SLC8A1: variants seen among roughly 807,000 people sequenced by gnomAD.
The protein encoded by SLC8A1 is sodium/calcium exchanger 1.
In SLC8A1, 18 loss-of-function variants were observed where a neutral mutation model predicts 68.3. The ratio of observed to expected loss-of-function variants is 0.26; its 90% CI spans 0.18 to 0.39. The LOEUF (loss-of-function observed/expected upper bound fraction) is 0.39, where lower values mean the gene tolerates loss of function less well. Among genes scored for constraint, SLC8A1 ranks in the 10% least tolerant of loss-of-function variants. The pLI is 1.00. For missense variants in SLC8A1, 985 were observed against 1,156.7 expected (o/e 0.85, Z 2.15); for synonymous variants, 475 against 415.5 (o/e 1.14, Z -1.74).
intron 2 of SLC8A1, among the ~76,000 whole-genome samples, chr2:40,307,422 T>C (rs2072862452): frequency 6.6e-6 from 1 of 152,174 alleles, no homozygotes. Context: ...GTACAGTGTT[T>C]TAATTTTGTA....
chr2:40,449,821 T>C (rs964210328), intron 1 of SLC8A1, among the ~76,000 whole-genome samples: 1 of 152,184 alleles, frequency 6.6e-6, no homozygotes, highest in Non-Finnish European at 1.5e-5. Flanking sequence ...CCTATACAGC[T>C]CAACAATAAA....
chr2:40,225,810 C>A (rs1401653964), intron 2 of SLC8A1, among the ~76,000 whole-genome samples: 1 of 152,146 alleles, frequency 6.6e-6, no homozygotes, highest in East Asian at 1.9e-4. Flanking sequence ...TTACCTTGGC[C>A]TCACTTGGAT....
At chr2:40,284,902 G>C (rs983811431) in intron 2 of SLC8A1, among the ~76,000 whole-genome samples, 1 of 152,182 alleles carries the variant, frequency 6.6e-6, no homozygotes, top group Non-Finnish European at 1.5e-5. Context: ...GGATGAGCAA[G>C]CTTCATATTC....
At chr2:40,139,265 T>A in intron 7 of SLC8A1, 136 bp downstream of exon 10, 1 of 974,094 alleles carries the variant, frequency 1.0e-6, no homozygotes, top group Non-Finnish European at 1.5e-6. Context: ...CAGTAACATT[T>A]ATTTATACCT....
At chr2:40,257,397 C>T (rs398175) in intron 2 of SLC8A1, among the ~76,000 whole-genome samples, 21,582 of 150,930 alleles carry the variant, frequency 0.14, 1,965 homozygotes, top group African/African-American at 0.24. Flanking sequence ...AAATCAATGA[C>T]GATTATGGAA....
At chr2:40,199,397 T>A (rs977230986) in intron 2 of SLC8A1, among the ~76,000 whole-genome samples, 2 of 151,730 alleles carry the variant, frequency 1.3e-5, no homozygotes, top group Non-Finnish European at 1.5e-5. Context: ...TATTCCATCA[T>A]AATCATACTA....
At chr2:40,272,246 A>G (rs1463838024) in intron 2 of SLC8A1, among the ~76,000 whole-genome samples, 1 of 152,114 alleles carries the variant, frequency 6.6e-6, no homozygotes, top group Admixed American at 6.6e-5. Flanking sequence ...TCCATTCAAC[A>G]CATGCTTATT....
chr2:40,268,515 C>T (rs1439634021), intron 2 of SLC8A1, among the ~76,000 whole-genome samples: 1 of 152,128 alleles, frequency 6.6e-6, no homozygotes, highest in Non-Finnish European at 1.5e-5. Context: ...ATGGGGAATG[C>T]CTTGGTACCC....
At chr2:40,311,251 T>C (rs943329555) in intron 2 of SLC8A1, among the ~76,000 whole-genome samples, 1 of 152,250 alleles carries the variant, frequency 6.6e-6, no homozygotes, top group Middle Eastern at 3.4e-3. Flanking sequence ...TCAACAGAAT[T>C]GTAAAATTAG....
intron 7 of SLC8A1, among the ~76,000 whole-genome samples, chr2:40,126,161 T>A (rs1159272575): frequency 6.6e-6 from 1 of 152,160 alleles, no homozygotes; most frequent in Non-Finnish European, 1.5e-5. Context: ...CTTCATCAGT[T>A]TGCCAGATAA....
intron 2 of SLC8A1, among the ~76,000 whole-genome samples, chr2:40,422,470 A>G (rs910966041): frequency 6.6e-6 from 1 of 152,174 alleles, no homozygotes; most frequent in Non-Finnish European, 1.5e-5. Flanking sequence ...TGCTCTACTC[A>G]AAAGAATTAA....
Position 40,257,085 on chromosome 2 carries a change from GTATT to G in SLC8A1, c.1809-79234_1809-79231del, listed in dbSNP as rs2064048997. On this transcript the variant is annotated intron_variant, in intron 2 of 7. Transcript: ENST00000406785. The stretch of plus-strand genomic sequence containing the variant: ...AATCATAACAAATATACATATCTGT[GTATT>G]TATTACATCTTATCATAATTCTCAG... Among the ~76,000 whole-genome samples the G allele has an allele frequency of 2.0e-5, 3 of 152,156 alleles. No individual in the cohort carries two copies. The South Asian group carries it at 6.2e-4, about 32-fold the overall frequency.
chr2:40,430,682 G>A (rs1481080645), intron 1 of SLC8A1, among the ~76,000 whole-genome samples: 1 of 152,142 alleles, frequency 6.6e-6, no homozygotes, highest in Non-Finnish European at 1.5e-5. Flanking sequence ...GACTTTTGAA[G>A]CATTAAACAA....
At chr2:40,408,234 C>A (rs1267404960) in intron 2 of SLC8A1, among the ~76,000 whole-genome samples, 1 of 152,136 alleles carries the variant, frequency 6.6e-6, no homozygotes, top group Non-Finnish European at 1.5e-5. Flanking sequence ...CGGAATTGAA[C>A]CAGATACGCC....
chr2:40,487,826 A>C (rs1041858340), intron 1 of SLC8A1, among the ~76,000 whole-genome samples: 6 of 152,264 alleles, frequency 3.9e-5, no homozygotes, highest in Admixed American at 6.5e-5. Flanking sequence ...GAGAGAACTT[A>C]ATGGTCAGTC....
chr2:40,145,781 TGAC>T (rs1215520615), intron 6 of SLC8A1, among the ~76,000 whole-genome samples: 1 of 152,234 alleles, frequency 6.6e-6, no homozygotes, highest in Admixed American at 6.5e-5. Flanking sequence ...CATGTGTATG[TGAC>T]GCCATAAGGG....
Position 40,175,308 on chromosome 2 carries a change from C to A in SLC8A1, c.1913-466G>T, listed in dbSNP as rs749554930. On this transcript the variant is annotated intron_variant, in intron 3 of 7. Coordinates refer to ENST00000406785, the Ensembl canonical transcript of SLC8A1. Reference sequence around the variant, plus strand: ...TGTGAAGGAAACAGACAAAGACAAACACAGAATAAGAGACCAGATGAATAA... The same window carrying A: ...TGTGAAGGAAACAGACAAAGACAAAAACAGAATAAGAGACCAGATGAATAA... 7 of 1,609,434 alleles carry A rather than the reference C, an allele frequency of 4.3e-6. No homozygotes were observed. The East Asian group carries it at 6.7e-5, about 15-fold the overall frequency.
intron 2 of SLC8A1, among the ~76,000 whole-genome samples, chr2:40,204,024 T>C (rs1273011895): frequency 6.6e-6 from 1 of 151,896 alleles, no homozygotes; most frequent in Admixed American, 6.6e-5. Context: ...CTGGTGAAGG[T>C]TGAAAACAAT....
chr2:40,371,663 A>C (rs1265334859), intron 2 of SLC8A1, among the ~76,000 whole-genome samples: 4 of 152,122 alleles, frequency 2.6e-5, no homozygotes, highest in Non-Finnish European at 5.9e-5. Flanking sequence ...GATTTTGGAG[A>C]TAGAACAGAG....
Sources: allele counts gnomAD v4.1 joint callset (sites outside exome capture counted in the v4.1 genomes callset), GRCh38; gene constraint gnomAD v4.1.1; transcripts MANE v1.5; gene names NCBI Gene and HGNC (gene_info 2026-07-23, HGNC 2026-07-21).